FLT1: variants seen among roughly 807,000 people sequenced by gnomAD.
FLT1 encodes fms related receptor tyrosine kinase 1.
A neutral mutation model predicts 156.3 loss-of-function variants in FLT1; 49 were observed. The ratio of observed to expected loss-of-function variants is 0.31; its 90% CI spans 0.25 to 0.40. The LOEUF is 0.40. FLT1 is among the 10% of genes least tolerant of loss of function. The probability of loss-of-function intolerance (pLI) is 1.00; values close to 1 mark genes in which losing one functional copy is unlikely to be tolerated. For synonymous variants in FLT1, 594 were observed against 583.8 expected, an observed-to-expected ratio of 1.02 and a Z score of -0.25; for missense variants, 1,322 against 1,637.2, an observed-to-expected ratio of 0.81 and a Z score of 3.32.
In FLT1 at chr13:28,466,927, A is replaced by G. The variant is rs753186667; in HGVS notation, c.364T>C (p.Ser122Pro). The change falls in exon 3 of 30, where the codon TCT becomes CCT. Residue 122 changes from serine to proline, a missense_variant. This residue lies in a region of FLT1 where 991 missense variants were observed against 1,254.8 expected (regional missense o/e 0.79). Transcript: ENST00000282397. Reference protein sequence around the residue: ...VPTSKKKETESAIYIFISDTG... With the variant: ...VPTSKKKETEPAIYIFISDTG... ...CCACTAATAAATATATAGATTGCAG[A>G]TTCTGTTTCCTTCTTCTTTGAAGTA... 2 of 1,612,380 alleles carry G rather than the reference A, an allele frequency of 1.2e-6. No individual in the cohort carries two copies. Among genetic ancestry groups the G allele is most frequent in the South Asian group, 1.1e-5 (1 of 91,060 alleles).
intron 16 of FLT1, among the ~76,000 whole-genome samples, chr13:28,344,182 C>T (rs567448817): frequency 9.9e-5 from 15 of 152,256 alleles, no homozygotes; most frequent in South Asian, 2.1e-4. Flanking sequence ...CCATGGCCTA[C>T]GAGACCCTGC....
In FLT1 at chr13:28,494,824, G is replaced by T. The variant is rs1212173058; in HGVS notation, c.20C>A (p.Thr7Asn). 12 of 1,572,918 alleles carry T rather than the reference G, an allele frequency of 7.6e-6. No individual in the cohort carries two copies. The highest frequency in any genetic ancestry group is 8.6e-6 in the Non-Finnish European group (10 of 1,164,594). Residue 7 changes from threonine (T) to asparagine (N), a missense_variant, in exon 1 of 30, where the codon ACC (threonine) becomes AAC (asparagine). Physicochemically the swap from Thr to Asn is moderately conservative, Grantham distance 65 (BLOSUM62 0). Transcript: ENST00000282397. ...GAGCAGCGCGCACAGCAGGACCCCGGTGTCCCAGTAGCTGACCATGGTGAG... is the reference window on the plus strand; with the variant it reads ...GAGCAGCGCGCACAGCAGGACCCCGTTGTCCCAGTAGCTGACCATGGTGAG... MVSYWD[T>N]GVLLCALLSC...
Position 28,495,064 on chromosome 13 carries a change from G to A in FLT1, c.-221C>T, listed in dbSNP as rs1881695869. ...CCGGAGCCCGCTCCGAGCCGCCGCC[G>A]CTGCCGGGGAGGAGCCGAGAGGAGT... On this transcript the variant is annotated 5_prime_UTR_variant, in exon 1 of 30. Coordinates refer to ENST00000282397, the MANE Select transcript of FLT1 (RefSeq NM_002019.4). The surrounding 1 kb of genome is among the most constrained non-coding windows in gnomAD (Gnocchi z 4.1). 7 of 470,142 alleles carry A rather than the reference G, an allele frequency of 1.5e-5. No homozygotes were observed. The South Asian group carries it at 1.9e-4, about 13-fold the overall frequency. The allele number at this position is 470,142 out of a possible 1,614,324, so 29.1% of individuals were successfully genotyped here.
At chr13:28,306,900 T>C (rs1271338657) in intron 28 of FLT1, 128 bp from the exon 29 acceptor site, 3 of 703,508 alleles carry the variant, frequency 4.3e-6, no homozygotes, top group Middle Eastern at 2.3e-4. Context: ...TCCCAGCCTA[T>C]TGAGACAAAG....
At chr13:28,472,183 T>C (rs1261853490) in intron 1 of FLT1, among the ~76,000 whole-genome samples, 3 of 152,320 alleles carry the variant, frequency 2.0e-5, no homozygotes, top group South Asian at 2.1e-4. Flanking sequence ...AGCCTATACG[T>C]AGAGTGTTCT....
In FLT1 at chr13:28,427,941, C is replaced by T. The variant is rs1279274448; in HGVS notation, c.1107-20G>A. 1.2e-6 allele frequency: 2 copies of T among 1,610,604 alleles called. No individual in the cohort carries two copies. The highest frequency in any genetic ancestry group is 2.2e-5 in the South Asian group (2 of 90,994). ...TTTAACCTGTGGTTAAAAACATGAT[C>T]AGTAAGTCATTTCACACGGCCTCTC... is the stretch of plus-strand genomic sequence containing the variant. On this transcript the variant is annotated intron_variant, in intron 8 of 29. Coordinates refer to ENST00000282397, the MANE Select transcript of FLT1 (RefSeq NM_002019.4).
At position 28,351,961 on chromosome 13, in the gene FLT1, A is replaced by G. The variant is rs115563483; in HGVS notation, c.2248+5593T>C. Among the ~76,000 whole-genome samples the G allele has an allele frequency of 7.8e-3, 1,181 of 152,340 alleles. 15 individuals carry two copies. The highest frequency in any genetic ancestry group is 0.026 in the African/African-American group (1,094 of 41,576). Reference sequence around the variant, plus strand: ...GTGTTAATCCTTACAACAAGCCTACAAAGATTGGTATACCATCATTAGCAT... The same window carrying G: ...GTGTTAATCCTTACAACAAGCCTACGAAGATTGGTATACCATCATTAGCAT... On this transcript the variant is annotated intron_variant, in intron 15 of 29. Transcript: ENST00000282397.
chr13:28,433,759 C>A (rs61763173), intron 6 of FLT1, 60 bp downstream of exon 6: 3 of 1,516,318 alleles, frequency 2.0e-6, no homozygotes, highest in African/African-American at 1.4e-5. Context: ...AAAACCCCTG[C>A]GGGATTTCAC....
chr13:28,467,969 ACT>A (rs1488803789), intron 1 of FLT1, among the ~76,000 whole-genome samples: 1 of 152,158 alleles, frequency 6.6e-6, no homozygotes, highest in Non-Finnish European at 1.5e-5. Flanking sequence ...CTTAGTAAAA[ACT>A]CTCAAGAATA....
At chr13:28,387,758 C>T (rs1259765757) in intron 13 of FLT1, 5 of 1,025,866 alleles carry the variant, frequency 4.9e-6, no homozygotes, top group African/African-American at 1.8e-5. Flanking sequence ...CCCAGGGTAA[C>T]ATACCCCTAG....
intron 3 of FLT1, among the ~76,000 whole-genome samples, chr13:28,450,209 A>G (rs9505994): frequency 0.78 from 118,210 of 152,108 alleles, 46,153 homozygotes; most frequent in African/African-American, 0.82. Context: ...ACACACAAGA[A>G]TGCTCATGTT....
chr13:28,446,148 G>A (rs1878605699), intron 3 of FLT1, among the ~76,000 whole-genome samples: 1 of 152,172 alleles, frequency 6.6e-6, no homozygotes, highest in African/African-American at 2.4e-5. Context: ...GAATTGCACT[G>A]AATTTCCTCA....
intron 1 of FLT1, among the ~76,000 whole-genome samples, chr13:28,485,570 C>G (rs1203123216): frequency 2.0e-5 from 3 of 152,058 alleles, no homozygotes. Flanking sequence ...TGGCCAAACT[C>G]CAGCTTAATA....
chr13:28,327,029 T>TGGC (rs1485898107), intron 20 of FLT1, among the ~76,000 whole-genome samples: 1 of 152,264 alleles, frequency 6.6e-6, no homozygotes, highest in African/African-American at 2.4e-5. Flanking sequence ...TACTGCTGAT[T>TGGC]GTCAAGTCAC....
chr13:28,339,960 A>T (rs1338189239), intron 16 of FLT1, among the ~76,000 whole-genome samples: 1 of 152,208 alleles, frequency 6.6e-6, no homozygotes, highest in Non-Finnish European at 1.5e-5. Flanking sequence ...GTGGCCTGTA[A>T]TCCCAGCACT....
At chr13:28,389,573 G>C (rs1330066067) in intron 13 of FLT1, 2 of 1,438,254 alleles carry the variant, frequency 1.4e-6, no homozygotes, top group Non-Finnish European at 1.8e-6. Flanking sequence ...GGGGCCCGGG[G>C]GTCTCATTAT....
intron 13 of FLT1, chr13:28,387,429 T>C: frequency 9.5e-7 from 1 of 1,056,714 alleles, no homozygotes; most frequent in Non-Finnish European, 1.1e-6. Flanking sequence ...CTAAGTTACT[T>C]GATGGAAGTA....
At chr13:28,395,570 G>T (rs1874997180) in intron 12 of FLT1, among the ~76,000 whole-genome samples, 1 of 151,974 alleles carries the variant, frequency 6.6e-6, no homozygotes, top group South Asian at 2.1e-4. Context: ...GGATATATTG[G>T]GTTAAATAAA....
At chr13:28,339,430 T>C (rs1422262038) in intron 16 of FLT1, 130 bp from the exon 17 acceptor site, 2 of 892,734 alleles carry the variant, frequency 2.2e-6, no homozygotes, top group African/African-American at 1.7e-5. Context: ...CAGAAAGTAC[T>C]TCTCCACATT....
Sources: allele counts gnomAD v4.1 joint callset (sites outside exome capture counted in the v4.1 genomes callset), GRCh38; gene constraint gnomAD v4.1.1; regional missense constraint gnomAD v4.1.1; non-coding constraint Gnocchi (gnomAD v3.1); transcripts MANE v1.5; gene names NCBI Gene and HGNC (gene_info 2026-07-23, HGNC 2026-07-21).